Variants in C6 observed in about 807,000 individuals in gnomAD.
C6 encodes the protein complement C6.
C6 carries 101 observed loss-of-function variants against 112.9 expected under a neutral mutation model. The ratio of observed to expected loss-of-function variants is 0.89; its 90% CI spans 0.76 to 1.06. The LOEUF (loss-of-function observed/expected upper bound fraction) is 1.06, where lower values mean the gene tolerates loss of function less well. Among genes scored for constraint, C6 ranks in the 50% least tolerant of loss-of-function variants. The pLI, the probability that C6 is intolerant of heterozygous loss-of-function variation, is 0.00. For missense variants in C6, 1,202 were observed against 1,104.6 expected (o/e 1.09, Z -1.25); for synonymous variants, 431 against 384.1 (o/e 1.12, Z -1.43).
intron 4 of C6, 126 bp downstream of exon 4, chr5:41,199,642 A>G (rs1750857837): frequency 2.1e-6 from 2 of 974,120 alleles, no homozygotes; most frequent in African/African-American, 1.6e-5. Flanking sequence ...TAACATTCCC[A>G]TTCCACTCTG....
chr5:41,195,902 A>G lies in C6; in HGVS notation c.477T>C (p.Asn159=), dbSNP rs139737041. The G allele has an allele frequency of 3.7e-6, 6 of 1,613,970 alleles. No homozygotes were observed. Among genetic ancestry groups the G allele is most frequent in the Admixed American group, 3.3e-5 (2 of 60,000 alleles). The change falls in exon 5 of 18, where the codon AAT becomes AAC. Residue 159 remains asparagine (N), a synonymous_variant. Transcript: ENST00000337836. ...GRCIARKLEC[N]GENDCGDNSD... ...AATTGTCTCCACAGTCATTTTCTCC[A>G]TTGCATTCTAACTTTCTGGCAATGC... is the stretch of plus-strand genomic sequence containing the variant.
chr5:41,210,521 G>T (rs1561176277), intron 1 of C6, among the ~76,000 whole-genome samples: 2 of 151,984 alleles, frequency 1.3e-5, no homozygotes, highest in African/African-American at 4.8e-5. Flanking sequence ...AAATTTACAA[G>T]AAAAAATCAA....
chr5:41,170,760 G>A (rs763642229), intron 9 of C6, among the ~76,000 whole-genome samples: 1 of 152,072 alleles, frequency 6.6e-6, no homozygotes, highest in African/African-American at 2.4e-5. Context: ...CCATGAGAAG[G>A]TAAGCTTCAA....
At chr5:41,239,826 G>C (rs1172481519) in intron 1 of C6, among the ~76,000 whole-genome samples, 1 of 152,078 alleles carries the variant, frequency 6.6e-6, no homozygotes, top group African/African-American at 2.4e-5. Flanking sequence ...GTTTTTGCTT[G>C]TCTAGGAAAG....
At chr5:41,251,306 TA>T (rs1355112773) in intron 1 of C6, among the ~76,000 whole-genome samples, 1 of 152,180 alleles carries the variant, frequency 6.6e-6, no homozygotes, top group African/African-American at 2.4e-5. Context: ...AAAATCTGGA[TA>T]GGGGCAGCCT....
intron 7 of C6, among the ~76,000 whole-genome samples, chr5:41,180,012 T>G (rs1185519387): frequency 6.6e-6 from 1 of 152,144 alleles, no homozygotes; most frequent in Non-Finnish European, 1.5e-5. Flanking sequence ...GAATTAAAAA[T>G]GCGTATATGA....
chr5:41,255,508 G>T (rs1015320597), intron 1 of C6, among the ~76,000 whole-genome samples: 5 of 152,316 alleles, frequency 3.3e-5, no homozygotes, highest in African/African-American at 4.8e-5. Context: ...AGTAGTACAA[G>T]TGTGTCTTAT....
intron 1 of C6, among the ~76,000 whole-genome samples, chr5:41,229,657 T>C (rs1310922817): frequency 6.6e-6 from 1 of 152,136 alleles, no homozygotes; most frequent in Admixed American, 6.6e-5. Flanking sequence ...TTTGTTGCTG[T>C]TGGATGGAAT....
chr5:41,155,666 C>A lies in C6; in HGVS notation c.1969-562G>T, dbSNP rs894726765. On this transcript the variant is annotated intron_variant, in intron 13 of 17. Transcript: ENST00000337836. ...ATTGCTTGAGCCCAGAAGGTTGAGG[C>A]TGTGGTGAGCCATGATTGTTCCATT... is the stretch of plus-strand genomic sequence containing the variant. 8.0e-4 allele frequency among the ~76,000 whole-genome samples: 121 copies of A among 151,930 alleles called. 10 individuals are homozygous for A. Among genetic ancestry groups the A allele is most frequent in the Non-Finnish European group, 1.5e-5 (1 of 68,000 alleles).
At chr5:41,210,088 A>T (rs758209181) in intron 1 of C6, among the ~76,000 whole-genome samples, 1 of 152,218 alleles carries the variant, frequency 6.6e-6, no homozygotes. Context: ...CTGATCTTTG[A>T]CAAATCTGAC....
At chr5:41,220,656 C>G (rs890215776) in intron 1 of C6, among the ~76,000 whole-genome samples, 2 of 151,756 alleles carry the variant, frequency 1.3e-5, no homozygotes, top group Non-Finnish European at 1.5e-5. Flanking sequence ...TGATGTTGGG[C>G]CTCTTTTCAT....
At chr5:41,218,175 A>G (rs1738905102), upstream of C6, among the ~76,000 whole-genome samples, 1 of 152,164 alleles carries the variant, frequency 6.6e-6, no homozygotes, top group Non-Finnish European at 1.5e-5. Flanking sequence ...GTTGGATAGG[A>G]AAGAAAAAGA....
At chr5:41,226,624 C>T (rs533380078) in intron 1 of C6, among the ~76,000 whole-genome samples, 13 of 152,260 alleles carry the variant, frequency 8.5e-5, no homozygotes, top group South Asian at 2.1e-4. Context: ...CTCCCTCCTG[C>T]GGCCCCTGCT....
intron 3 of C6, 58 bp downstream of exon 3, chr5:41,201,500 G>A: frequency 6.7e-7 from 1 of 1,503,714 alleles, no homozygotes; most frequent in Non-Finnish European, 9.3e-7. Context: ...AAGCCTGTCA[G>A]GGAATCAGAG....
At chr5:41,167,557 T>C (rs1044850672) in intron 9 of C6, among the ~76,000 whole-genome samples, 5 of 152,106 alleles carry the variant, frequency 3.3e-5, no homozygotes, top group African/African-American at 9.7e-5. Flanking sequence ...AGAAGTTTGA[T>C]AGAAGCTCAT....
intron 7 of C6, among the ~76,000 whole-genome samples, chr5:41,179,426 A>G (rs575356688): frequency 1.3e-5 from 2 of 152,214 alleles, no homozygotes; most frequent in Non-Finnish European, 2.9e-5. Flanking sequence ...CTATGTTTAT[A>G]AGCAGTTATT....
At chr5:41,181,238 TA>T (rs1203467530) in intron 7 of C6, 120 bp downstream of exon 7, 23 of 874,744 alleles carry the variant, frequency 2.6e-5, no homozygotes, top group Non-Finnish European at 3.2e-5. Context: ...AAAAATTACT[TA>T]AATCTGTATT....
intron 8 of C6, among the ~76,000 whole-genome samples, chr5:41,175,993 T>C (rs548140849): frequency 6.6e-6 from 1 of 152,230 alleles, no homozygotes; most frequent in Non-Finnish European, 1.5e-5. Context: ...TTTTCTTTCA[T>C]CATATGTTTC....
chr5:41,257,823 T>G (rs1012673596), intron 1 of C6, among the ~76,000 whole-genome samples: 1 of 152,164 alleles, frequency 6.6e-6, no homozygotes, highest in African/African-American at 2.4e-5. Context: ...ACATATTCCC[T>G]TTTTATTTTT....
Sources: gnomAD v4.1 joint callset for allele counts (sites outside exome capture counted in the v4.1 genomes callset) on GRCh38, gnomAD v4.1.1 for gene constraint, MANE v1.5 for transcripts, NCBI Gene and HGNC (gene_info 2026-07-23, HGNC 2026-07-21) for gene names.